Variants in OR56A1 observed in about 807,000 individuals in gnomAD.
OR56A1 encodes the protein olfactory receptor 56A1.
For missense variants in OR56A1, 360 were observed against 380.9 expected (o/e 0.94, Z 0.46); for synonymous variants, 174 against 159.1 (o/e 1.09, Z -0.70).
upstream of OR56A1, among the ~76,000 whole-genome samples, chr11:6,033,933 A>G (rs1848535414): frequency 6.6e-6 from 1 of 152,192 alleles, no homozygotes; most frequent in Non-Finnish European, 1.5e-5. Context: ...GACCAGTGAC[A>G]TAATTGACCC....
chr11:6,026,925 G>A lies in OR56A1; in HGVS notation c.768C>T (p.Thr256=), dbSNP rs1848454480. The A allele has an allele frequency of 2.5e-6, 4 of 1,614,088 alleles. No homozygotes were observed. The African/African-American group carries it at 4.0e-5, about 16-fold the overall frequency. The change falls in exon 2 of 2, where the codon ACC becomes ACT. Residue 256 remains threonine, a synonymous_variant. Coordinates refer to ENST00000641900, the MANE Select transcript of OR56A1 (RefSeq NM_001388488.1). ...SHFILILFFS[T]ILLVVVLTNV... is the part of the protein sequence containing the mutation. ...TTGTCAACACCACAACCAGCAGTAT[G>A]GTGCTGAAGAAAAGAATGAGGATGA... is the stretch of plus-strand genomic sequence containing the variant.
rs1848414159 is a variant in OR56A1, at chr11:6,023,168, G to A, written c.*3580C>T. On this transcript the variant is annotated 3_prime_UTR_variant, in exon 2 of 2. Coordinates refer to ENST00000641900, the MANE Select transcript of OR56A1 (RefSeq NM_001388488.1). Reference sequence around the variant, plus strand: ...CGTTATTCCCACAAATAGCCACAAAGGGGCAATGTTGACTTGCCAACTATG... The same window carrying A: ...CGTTATTCCCACAAATAGCCACAAAAGGGCAATGTTGACTTGCCAACTATG... 1 of 152,122 alleles carries A rather than the reference G, an allele frequency of 6.6e-6. No homozygotes were observed. The highest frequency in any genetic ancestry group is 2.4e-5 in the African/African-American group (1 of 41,418). 9.4% of individuals were successfully genotyped at this position (152,122 alleles called of 1,614,324 possible).
chr11:6,019,692 G>A lies in OR56A1; in HGVS notation c.*7056C>T, dbSNP rs943044647. 4 of 152,068 alleles carry A rather than the reference G, an allele frequency of 2.6e-5. No individual in the cohort carries two copies. The highest frequency in any genetic ancestry group is 2.6e-4 in the Admixed American group (4 of 15,252). The allele number at this position is 152,068 out of a possible 1,614,324, so 9.4% of individuals were successfully genotyped here. On this transcript the variant is annotated 3_prime_UTR_variant, in exon 2 of 2. Transcript: ENST00000641900. Reference sequence around the variant, plus strand: ...CCCATAATTAAATTGCCTCCCAATTGTCTTTCCAATTTAAAAAGACAATAT... The same window carrying A: ...CCCATAATTAAATTGCCTCCCAATTATCTTTCCAATTTAAAAAGACAATAT...
chr11:6,032,256 G>A (rs913428049), upstream of OR56A1, among the ~76,000 whole-genome samples: 2 of 152,134 alleles, frequency 1.3e-5, no homozygotes, highest in Non-Finnish European at 2.9e-5. Context: ...GAAAGATACT[G>A]TGGTATGTTT....
In OR56A1 at chr11:6,027,276, G is replaced by A; in HGVS notation, c.417C>T (p.Ile139=). 6.2e-7 allele frequency: 1 copy of A among 1,614,258 alleles called. No individual in the cohort carries two copies. The highest frequency in any genetic ancestry group is 8.5e-7 in the Non-Finnish European group (1 of 1,180,046). ...ICHPLRYPSI[I]TNQFVAKASV... Reference sequence around the variant, plus strand: ...TAGCTTTGGCCACAAATTGATTAGTGATGATGGATGGGTACCGCAGTGGGT... The same window carrying A: ...TAGCTTTGGCCACAAATTGATTAGTAATGATGGATGGGTACCGCAGTGGGT... The change falls in exon 2 of 2, where the codon ATC becomes ATT. Residue 139 remains isoleucine, a synonymous_variant. Coordinates refer to ENST00000641900, the MANE Select transcript of OR56A1 (RefSeq NM_001388488.1).
In OR56A1 at chr11:6,026,943, G is replaced by A. The variant is rs771323544; in HGVS notation, c.750C>T (p.Leu250=). 2 of 1,614,078 alleles carry A rather than the reference G, an allele frequency of 1.2e-6. No individual in the cohort carries two copies. Among genetic ancestry groups the A allele is most frequent in the African/African-American group, 2.7e-5 (2 of 74,948 alleles). ...ALSTCGSHFI[L]ILFFSTILLV... The stretch of plus-strand genomic sequence containing the variant: ...GCAGTATGGTGCTGAAGAAAAGAAT[G>A]AGGATGAAGTGGGAGCCACATGTGC... The change falls in exon 2 of 2, where the codon CTC becomes CTT. Residue 250 remains leucine (L), a synonymous_variant. Transcript: ENST00000641900.
At chr11:6,030,150 A>G (rs1027630264) in intron 1 of OR56A1, among the ~76,000 whole-genome samples, 2 of 151,902 alleles carry the variant, frequency 1.3e-5, no homozygotes, top group East Asian at 3.9e-4. Flanking sequence ...CTCCATATCC[A>G]CTCTCACCAT....
rs1177126062 is a variant in OR56A1 at position 6,022,512 on chromosome 11, A to T, written c.*4236T>A. The T allele has an allele frequency of 6.6e-6, 1 of 152,132 alleles. No individual in the cohort carries two copies. The highest frequency in any genetic ancestry group is 1.5e-5 in the Non-Finnish European group (1 of 68,000). 9.4% of individuals were successfully genotyped at this position (152,132 alleles called of 1,614,324 possible). ...GGGTTTTTAGTGTACTCTGCCTTTG[A>T]TATCTATAATCTGGAGTATGAAAAA... On this transcript the variant is annotated 3_prime_UTR_variant, in exon 2 of 2. Transcript: ENST00000641900.
chr11:6,029,966 T>C (rs1309445797), intron 1 of OR56A1, among the ~76,000 whole-genome samples: 2 of 152,212 alleles, frequency 1.3e-5, no homozygotes, highest in Non-Finnish European at 2.9e-5. Context: ...TTTAAAAACC[T>C]GGTCTTTTGC....
chr11:6,032,177 T>C (rs1189257644), upstream of OR56A1, among the ~76,000 whole-genome samples: 1 of 152,034 alleles, frequency 6.6e-6, no homozygotes, highest in Admixed American at 6.6e-5. Context: ...GAAGTGTAGA[T>C]GGGGAAAGTT....
chr11:6,027,710 G>GATTC lies in OR56A1; in HGVS notation c.-19_-18insGAAT. 1 of 1,539,782 alleles carries GATTC rather than the reference G, an allele frequency of 6.5e-7. No individual in the cohort carries two copies. The highest frequency in any genetic ancestry group is 8.8e-7 in the Non-Finnish European group (1 of 1,140,466). On this transcript the variant is annotated 5_prime_UTR_variant, in exon 2 of 2. Transcript: ENST00000641900. ...GACGCCATAGGCTGAATCATGAGCTGAGTAGGCTTCTGATGACTATGTTTA... is the reference window on the plus strand; with the variant it reads ...GACGCCATAGGCTGAATCATGAGCTGATTCAGTAGGCTTCTGATGACTATGTTTA...
chr11:6,028,268 G>A (rs1398716501), intron 1 of OR56A1, among the ~76,000 whole-genome samples: 4 of 150,160 alleles, frequency 2.7e-5, no homozygotes, highest in African/African-American at 9.8e-5. Flanking sequence ...CACAACCTGA[G>A]CCTGAACATC....
At position 6,022,957 on chromosome 11, in the gene OR56A1, T is replaced by G; in HGVS notation, c.*3791A>C. The G allele has an allele frequency of 6.6e-6, 1 of 152,214 alleles. No homozygotes were observed. Among genetic ancestry groups the G allele is most frequent in the Non-Finnish European group, 1.5e-5 (1 of 68,018 alleles). 9.4% of individuals were successfully genotyped at this position (152,214 alleles called of 1,614,324 possible). On this transcript the variant is annotated 3_prime_UTR_variant, in exon 2 of 2. Coordinates refer to ENST00000641900, the MANE Select transcript of OR56A1 (RefSeq NM_001388488.1). ...CCTGACTCATGTCAGTGATTTGGTA[T>G]TGACTTTTAAATGTTGCTGAAGAAA...
chr11:6,020,791 C>A lies in OR56A1; in HGVS notation c.*5957G>T, dbSNP rs1003242226. 1.3e-4 allele frequency: 20 copies of A among 151,972 alleles called. No individual in the cohort carries two copies. Among genetic ancestry groups the A allele is most frequent in the Admixed American group, 5.9e-4 (9 of 15,240 alleles). The allele number at this position is 151,972 out of a possible 1,614,324, so 9.4% of individuals were successfully genotyped here. ...ACTTCATGTCTTCTTATTTGGATGGCCTTTATTTCTTTCTCTTGCCTGATT... is the reference window on the plus strand; with the variant it reads ...ACTTCATGTCTTCTTATTTGGATGGACTTTATTTCTTTCTCTTGCCTGATT... On this transcript the variant is annotated 3_prime_UTR_variant, in exon 2 of 2. Coordinates refer to ENST00000641900, the MANE Select transcript of OR56A1 (RefSeq NM_001388488.1).
rs573471893 is a variant in OR56A1, at chr11:6,025,835, A to G, written c.*913T>C. The G allele has an allele frequency of 2.0e-5, 3 of 152,258 alleles. No individual in the cohort carries two copies. The highest frequency in any genetic ancestry group is 6.5e-5 in the Admixed American group (1 of 15,292). The allele number at this position is 152,258 out of a possible 1,614,324, so 9.4% of individuals were successfully genotyped here. On this transcript the variant is annotated 3_prime_UTR_variant, in exon 2 of 2. Coordinates refer to ENST00000641900, the MANE Select transcript of OR56A1 (RefSeq NM_001388488.1). Reference sequence around the variant, plus strand: ...ATCATTGTCTCCAATACCCACTTAAACAATTGTTTACATTAAATTATCTGT... The same window carrying G: ...ATCATTGTCTCCAATACCCACTTAAGCAATTGTTTACATTAAATTATCTGT...
rs1207624659 is a variant in OR56A1, at chr11:6,021,414, C to G, written c.*5334G>C. The stretch of plus-strand genomic sequence containing the variant: ...GAAAGAATATTGAATATACCCAACA[C>G]AAAGTAATGATAAATGTTTGAGATG... On this transcript the variant is annotated 3_prime_UTR_variant, in exon 2 of 2. Transcript: ENST00000641900. 1 of 152,010 alleles carries G rather than the reference C, an allele frequency of 6.6e-6. No homozygotes were observed. Among genetic ancestry groups the G allele is most frequent in the Non-Finnish European group, 1.5e-5 (1 of 67,952 alleles). The allele number at this position is 152,010 out of a possible 1,614,324, so 9.4% of individuals were successfully genotyped here. A position where few individuals can be genotyped will look rare whatever the true frequency, so the allele number is the denominator to read the frequency against.
At chr11:6,031,594 G>A (rs962560729), upstream of OR56A1, among the ~76,000 whole-genome samples, 1 of 152,120 alleles carries the variant, frequency 6.6e-6, no homozygotes, top group African/African-American at 2.4e-5. Flanking sequence ...TTTTAAAGGA[G>A]AAAATAGGTG....
chr11:6,027,361 A>G lies in OR56A1; in HGVS notation c.332T>C (p.Leu111Pro). 1.2e-6 allele frequency: 2 copies of G among 1,614,228 alleles called. No individual in the cohort carries two copies. The highest frequency in any genetic ancestry group is 1.1e-5 in the South Asian group (1 of 91,086). ...CATAAACGTGCAGGACTCCATGGGG[A>G]GGAAACTGTTCATGATGAACATCTG... is the stretch of plus-strand genomic sequence containing the variant. ...FLQMFIMNSF[L>P]PMESCTFMVM... The change falls in exon 2 of 2, where the codon CTC becomes CCC. Residue 111 changes from leucine (L) to proline (P), a missense_variant. Leu to Pro is a moderately conservative substitution (Grantham distance 98). Transcript: ENST00000641900.
upstream of OR56A1, chr11:6,034,202 G>T (rs1848537889): frequency 6.6e-6 from 1 of 152,220 alleles, no homozygotes; most frequent in Non-Finnish European, 1.5e-5. Flanking sequence ...AAGGATCCCT[G>T]CCTGCCTCGT....
Sources: allele counts gnomAD v4.1 joint callset (sites outside exome capture counted in the v4.1 genomes callset), GRCh38; gene constraint gnomAD v4.1.1; transcripts MANE v1.5; gene names NCBI Gene and HGNC (gene_info 2026-07-23, HGNC 2026-07-21).